ZNF385B: variants seen among roughly 807,000 people sequenced by gnomAD.
ZNF385B encodes zinc finger protein 385B.
Under a neutral mutation model 39.2 loss-of-function variants are expected in ZNF385B, and 23 were observed. The ratio of observed to expected loss-of-function variants is 0.59; its 90% CI spans 0.42 to 0.83. ZNF385B has a LOEUF of 0.83. Ranked by LOEUF, ZNF385B falls within the 40% of genes least tolerant of loss-of-function variation. ZNF385B has a pLI of 0.00. For missense variants in ZNF385B, 552 were observed against 598.9 expected, an observed-to-expected ratio of 0.92 and a Z score of 0.82; for synonymous variants, 205 against 222.6, an observed-to-expected ratio of 0.92 and a Z score of 0.70.
At chr2:179,806,483 T>C (rs1706358073) in intron 1 of ZNF385B, among the ~76,000 whole-genome samples, 1 of 152,160 alleles carries the variant, frequency 6.6e-6, no homozygotes, top group Non-Finnish European at 1.5e-5. Flanking sequence ...CCAGAATTTT[T>C]CCATCCCGGT....
chr2:179,689,644 C>G (rs1042170681), intron 3 of ZNF385B, among the ~76,000 whole-genome samples: 1 of 152,088 alleles, frequency 6.6e-6, no homozygotes, highest in African/African-American at 2.4e-5. Context: ...CGAATATTCC[C>G]CATTCCTCAC....
At chr2:179,573,785 G>A (rs1685501193) in intron 3 of ZNF385B, among the ~76,000 whole-genome samples, 1 of 152,108 alleles carries the variant, frequency 6.6e-6, no homozygotes, top group Non-Finnish European at 1.5e-5. Flanking sequence ...GACAAGTTGT[G>A]TGTCAGCAGT....
At chr2:179,644,596 T>C (rs1692551954) in intron 3 of ZNF385B, among the ~76,000 whole-genome samples, 1 of 152,212 alleles carries the variant, frequency 6.6e-6, no homozygotes, top group African/African-American at 2.4e-5. Context: ...TTACTCTCAT[T>C]GTGAAAGTTC....
chr2:179,815,999 A>G (rs559517641), intron 1 of ZNF385B, among the ~76,000 whole-genome samples: 8 of 151,866 alleles, frequency 5.3e-5, no homozygotes, highest in Non-Finnish European at 1.2e-4. Flanking sequence ...GACAACTTAC[A>G]TATAACACAC....
chr2:179,844,470 A>G (rs953107919), intron 1 of ZNF385B, among the ~76,000 whole-genome samples: 1 of 152,196 alleles, frequency 6.6e-6, no homozygotes, highest in Non-Finnish European at 1.5e-5. Context: ...ATTAAATGAT[A>G]TAATACATGT....
At chr2:179,563,220 A>T (rs1684144638) in intron 3 of ZNF385B, among the ~76,000 whole-genome samples, 1 of 152,190 alleles carries the variant, frequency 6.6e-6, no homozygotes, top group African/African-American at 2.4e-5. Flanking sequence ...ATATCTAATT[A>T]ATTTAACTTT....
intron 3 of ZNF385B, among the ~76,000 whole-genome samples, chr2:179,757,259 C>T (rs1029174799): frequency 6.6e-5 from 10 of 152,224 alleles, no homozygotes; most frequent in East Asian, 1.9e-4. Context: ...GTATCAGCAG[C>T]GGAGGCTGCA....
chr2:179,787,811 A>G (rs1705092903), intron 1 of ZNF385B, among the ~76,000 whole-genome samples: 1 of 152,142 alleles, frequency 6.6e-6, no homozygotes. Flanking sequence ...AGCTTTTCCA[A>G]TATACTTCTC....
chr2:179,838,679 G>T (rs967896254), intron 1 of ZNF385B, among the ~76,000 whole-genome samples: 2 of 152,114 alleles, frequency 1.3e-5, no homozygotes, highest in African/African-American at 4.8e-5. Context: ...TATCTATATG[G>T]CTAGATCTAT....
At chr2:179,696,875 C>T (rs997591202) in intron 3 of ZNF385B, among the ~76,000 whole-genome samples, 5 of 152,086 alleles carry the variant, frequency 3.3e-5, no homozygotes, top group Non-Finnish European at 7.3e-5. Context: ...GGACCATCTA[C>T]CATTCTTAAT....
chr2:179,445,832 G>T, intron 7 of ZNF385B, 104 bp from the exon 8 acceptor site: 2 of 1,141,996 alleles, frequency 1.8e-6, no homozygotes, highest in Non-Finnish European at 1.2e-6. Context: ...AATTCCCAAT[G>T]CTTTTTTAAA....
intron 3 of ZNF385B, among the ~76,000 whole-genome samples, chr2:179,607,407 T>C (rs1688900751): frequency 6.6e-6 from 1 of 152,166 alleles, no homozygotes; most frequent in Non-Finnish European, 1.5e-5. Flanking sequence ...CCTCCCTCAC[T>C]GTCTCTCCTG....
chr2:179,639,226 C>CG (rs1692038724), intron 3 of ZNF385B, among the ~76,000 whole-genome samples: 1 of 93,028 alleles, frequency 1.1e-5, no homozygotes, highest in Non-Finnish European at 2.0e-5. Flanking sequence ...GATCCTGCCT[C>CG]AAAAAAAAAA....
At chr2:179,828,793 T>C (rs1272159432) in intron 1 of ZNF385B, among the ~76,000 whole-genome samples, 2 of 152,178 alleles carry the variant, frequency 1.3e-5, no homozygotes, top group East Asian at 3.8e-4. Context: ...TTGAAATATA[T>C]GGGTTTTATG....
At position 179,718,732 on chromosome 2, in the gene ZNF385B, G is replaced by T. The variant is rs1344156228; in HGVS notation, c.298+50771C>A. Among the ~76,000 whole-genome samples the T allele has an allele frequency of 2.7e-5, 4 of 150,244 alleles. No homozygotes were observed. In the South Asian group the frequency reaches 8.4e-4, roughly 31 times the overall value. ...AAATTTCTATTTTCAGCCAAATGTGGTGCCTCATGCCTGTAATCACAGCAC... is the reference window on the plus strand; with the variant it reads ...AAATTTCTATTTTCAGCCAAATGTGTTGCCTCATGCCTGTAATCACAGCAC... On this transcript the variant is annotated intron_variant, in intron 3 of 9. Coordinates refer to ENST00000410066, the MANE Select transcript of ZNF385B (RefSeq NM_152520.6).
At chr2:179,641,381 T>C (rs1323358535) in intron 3 of ZNF385B, among the ~76,000 whole-genome samples, 5 of 152,182 alleles carry the variant, frequency 3.3e-5, no homozygotes, top group African/African-American at 7.2e-5. Flanking sequence ...ACAACTGAAA[T>C]AGAACTTATT....
At chr2:179,553,383 G>GCTAGCA (rs1243045801) in intron 3 of ZNF385B, among the ~76,000 whole-genome samples, 1 of 148,996 alleles carries the variant, frequency 6.7e-6, no homozygotes, top group Non-Finnish European at 1.5e-5. Context: ...CAATGACAGG[G>GCTAGCA]ATTATGAACT....
intron 3 of ZNF385B, among the ~76,000 whole-genome samples, chr2:179,650,707 C>G (rs1693120869): frequency 6.6e-6 from 1 of 152,088 alleles, no homozygotes; most frequent in Non-Finnish European, 1.5e-5. Flanking sequence ...TTGCCTTTAT[C>G]AGAAGTAGAA....
chr2:179,574,839 C>T (rs1156253201), intron 3 of ZNF385B, among the ~76,000 whole-genome samples: 1 of 152,142 alleles, frequency 6.6e-6, no homozygotes, highest in Non-Finnish European at 1.5e-5. Flanking sequence ...AGGAGAGAAG[C>T]TCCTTGCTTC....
Sources: gnomAD v4.1 joint callset for allele counts (sites outside exome capture counted in the v4.1 genomes callset) on GRCh38, gnomAD v4.1.1 for gene constraint, MANE v1.5 for transcripts, NCBI Gene and HGNC (gene_info 2026-07-23, HGNC 2026-07-21) for gene names.